Variants in TLN2 observed in about 807,000 individuals in gnomAD.
TLN2 encodes talin 2.
TLN2 carries 118 observed loss-of-function variants against 294.7 expected under a neutral mutation model. That is an observed-to-expected ratio of 0.40 (90% CI 0.34 to 0.47). TLN2 has a LOEUF of 0.47. TLN2 is among the 20% of genes least tolerant of loss of function. TLN2 has a pLI of 0.84. For synonymous variants in TLN2, 1,431 were observed against 1,304.5 expected, an observed-to-expected ratio of 1.10 and a Z score of -2.09; for missense variants, 3,083 against 3,282.2, an observed-to-expected ratio of 0.94 and a Z score of 1.48.
At position 62,784,033 on chromosome 15, in the gene TLN2, A is replaced by G. The variant is rs572783244; in HGVS notation, c.5736+143A>G. On this transcript the variant is annotated intron_variant, in intron 45 of 58. Coordinates refer to ENST00000636159, the MANE Select transcript of TLN2 (RefSeq NM_015059.3). Reference sequence around the variant, plus strand: ...GTTTATTTCCCCACCACTGCACAGCACAGGTCCAGACCAGGTAGCCCCAGG... The same window carrying G: ...GTTTATTTCCCCACCACTGCACAGCGCAGGTCCAGACCAGGTAGCCCCAGG... 2.0e-5 allele frequency: 28 copies of G among 1,402,868 alleles called. No homozygotes were observed. In the African/African-American group the frequency reaches 3.5e-4, roughly 18 times the overall value. 86.9% of individuals were successfully genotyped at this position (1,402,868 alleles called of 1,614,324 possible).
intron 1 of TLN2, among the ~76,000 whole-genome samples, chr15:62,458,079 T>C (rs1278192433): frequency 6.6e-6 from 1 of 152,216 alleles, no homozygotes; most frequent in Non-Finnish European, 1.5e-5. Flanking sequence ...GGCGTCCCTT[T>C]CCTGGGATTC....
At chr15:62,535,814 A>G (rs767502037) in intron 1 of TLN2, among the ~76,000 whole-genome samples, 1 of 152,152 alleles carries the variant, frequency 6.6e-6, no homozygotes, top group Non-Finnish European at 1.5e-5. Flanking sequence ...CAGCCTCCCA[A>G]AGTGCTGGGA....
intron 1 of TLN2, among the ~76,000 whole-genome samples, chr15:62,503,754 T>A (rs1194550623): frequency 1.3e-5 from 2 of 152,210 alleles, no homozygotes; most frequent in Non-Finnish European, 2.9e-5. Flanking sequence ...TCTTTATTGG[T>A]TTCTTCTCAT....
At chr15:62,626,422 G>A (rs2049287585) in intron 3 of TLN2, among the ~76,000 whole-genome samples, 1 of 152,172 alleles carries the variant, frequency 6.6e-6, no homozygotes, top group South Asian at 2.1e-4. Context: ...GAATATTATA[G>A]TCAAAGATTC....
intron 54 of TLN2, 69 bp from the exon 55 acceptor site, chr15:62,833,435 A>G (rs1460247849): frequency 1.3e-6 from 2 of 1,578,822 alleles, no homozygotes; most frequent in Admixed American, 3.5e-5. Flanking sequence ...ACCCGGCAGT[A>G]AGTAGTTTGG....
At chr15:62,712,734 G>A (rs923173519) in intron 22 of TLN2, among the ~76,000 whole-genome samples, 11 of 152,146 alleles carry the variant, frequency 7.2e-5, no homozygotes, top group African/African-American at 2.7e-4. Flanking sequence ...CAGTGTGTGT[G>A]TGTGTGTGCA....
chr15:62,804,953 G>A (rs1162911110), intron 50 of TLN2, among the ~76,000 whole-genome samples: 1 of 152,172 alleles, frequency 6.6e-6, no homozygotes, highest in Non-Finnish European at 1.5e-5. Context: ...GCATGAAGCA[G>A]AAATGGGATA....
intron 11 of TLN2, among the ~76,000 whole-genome samples, chr15:62,677,785 G>T (rs944072230): frequency 8.4e-6 from 1 of 119,218 alleles, no homozygotes; most frequent in East Asian, 2.9e-4. Context: ...AAAGGATTAA[G>T]AAAGTAGGCA....
Position 62,701,150 on chromosome 15 carries a change from C to A in TLN2, c.1632C>A (p.His544Gln), listed in dbSNP as rs769084433. 3.7e-6 allele frequency: 6 copies of A among 1,613,962 alleles called. No individual in the cohort carries two copies. In the African/African-American group the frequency reaches 8.0e-5, roughly 22 times the overall value. ...AGAACAAAGTCGACGAATCCAAACA[C>A]GAAATCCATTCTCAAGTTGATGCTA... ...WVQNKVDESK[H>Q]EIHSQVDAIT... Residue 544 changes from histidine (H) to glutamine (Q), a missense_variant, in exon 17 of 59, where the codon CAC (histidine) becomes CAA (glutamine). Coordinates refer to ENST00000636159, the MANE Select transcript of TLN2 (RefSeq NM_015059.3).
At chr15:62,754,994 C>A (rs1365194448) in intron 36 of TLN2, 1 of 152,460 alleles carries the variant, frequency 6.6e-6, no homozygotes, top group East Asian at 1.9e-4. Flanking sequence ...CTAGTCCAAA[C>A]TGCGATGGGT....
At chr15:62,524,430 G>A (rs1445647330) in intron 1 of TLN2, among the ~76,000 whole-genome samples, 1 of 152,084 alleles carries the variant, frequency 6.6e-6, no homozygotes, top group African/African-American at 2.4e-5. Flanking sequence ...CTGCCTCATC[G>A]GGGTGCTGAG....
chr15:62,658,967 A>G (rs138660572), intron 9 of TLN2, among the ~76,000 whole-genome samples: 54 of 152,354 alleles, frequency 3.5e-4, no homozygotes, highest in African/African-American at 1.3e-3. Context: ...CTGGTGACAA[A>G]TAGAAAATGG....
At chr15:62,431,742 A>G (rs1048280112) in intron 1 of TLN2, among the ~76,000 whole-genome samples, 1 of 152,266 alleles carries the variant, frequency 6.6e-6, no homozygotes, top group African/African-American at 2.4e-5. Flanking sequence ...GGAAAATGGC[A>G]TCAGTCGTTC....
At chr15:62,693,582 A>G (rs559654503) in intron 13 of TLN2, among the ~76,000 whole-genome samples, 20 of 142,870 alleles carry the variant, frequency 1.4e-4, no homozygotes, top group Non-Finnish European at 2.9e-4. Context: ...TGAGGGGCCA[A>G]AAATGATCTT....
intron 35 of TLN2, among the ~76,000 whole-genome samples, chr15:62,752,738 C>A (rs559630846): frequency 6.6e-6 from 1 of 152,210 alleles, no homozygotes; most frequent in South Asian, 2.1e-4. Context: ...GAAAAATAAG[C>A]ACTAAATAAT....
At chr15:62,625,737 G>C (rs2049224556) in intron 3 of TLN2, among the ~76,000 whole-genome samples, 2 of 152,212 alleles carry the variant, frequency 1.3e-5, no homozygotes, top group Non-Finnish European at 2.9e-5. Context: ...TAGAGAATAA[G>C]ACTCTCTCAA....
intron 32 of TLN2, among the ~76,000 whole-genome samples, chr15:62,745,466 T>C (rs1393372078): frequency 6.6e-6 from 1 of 152,212 alleles, no homozygotes; most frequent in African/African-American, 2.4e-5. Context: ...TTATTGAAAT[T>C]TTTTCTTTCA....
chr15:62,725,584 T>C (rs775964951), intron 27 of TLN2, among the ~76,000 whole-genome samples: 8 of 152,232 alleles, frequency 5.3e-5, no homozygotes, highest in Non-Finnish European at 7.3e-5. Context: ...GCTAAAACTT[T>C]ACCAGTCCTC....
intron 9 of TLN2, among the ~76,000 whole-genome samples, chr15:62,658,950 A>G (rs978131095): frequency 6.6e-6 from 1 of 152,264 alleles, no homozygotes; most frequent in Non-Finnish European, 1.5e-5. Context: ...TTCTGTTGCT[A>G]GAGTGACTGG....
Sources: allele counts gnomAD v4.1 joint callset (sites outside exome capture counted in the v4.1 genomes callset), GRCh38; gene constraint gnomAD v4.1.1; transcripts MANE v1.5; gene names NCBI Gene and HGNC (gene_info 2026-07-23, HGNC 2026-07-21).